Variants in SLC12A2 observed in about 807,000 individuals in gnomAD.
SLC12A2 encodes the protein solute carrier family 12 member 2.
Under a neutral mutation model 136.3 loss-of-function variants are expected in SLC12A2, and 67 were observed. The ratio of observed to expected loss-of-function variants is 0.49; its 90% confidence interval spans 0.40 to 0.60. The LOEUF is 0.60. SLC12A2 is among the 20% of genes least tolerant of loss of function. SLC12A2 has a pLI of 0.00. For missense variants in SLC12A2, 1,322 were observed against 1,534.7 expected, an observed-to-expected ratio of 0.86 and a Z score of 2.32; for synonymous variants, 619 against 562.9, an observed-to-expected ratio of 1.10 and a Z score of -1.41.
At position 128,186,679 on chromosome 5, in the gene SLC12A2, G is replaced by A. The variant is rs781122726; in HGVS notation, c.*48G>A. ...CTCCAGAATGGTACTTCAGTGCCTA[G>A]TGTAGTAACTGAAATCTTCAATGAC... On this transcript the variant is annotated 3_prime_UTR_variant, in exon 27 of 27. Coordinates refer to ENST00000262461, the MANE Select transcript of SLC12A2 (RefSeq NM_001046.3). The A allele has an allele frequency of 1.9e-6, 3 of 1,559,580 alleles. No individual in the cohort carries two copies. Among genetic ancestry groups the A allele is most frequent in the Non-Finnish European group, 2.6e-6 (3 of 1,138,554 alleles).
Position 128,084,037 on chromosome 5 carries a change from C to T in SLC12A2, c.83C>T (p.Ala28Val), listed in dbSNP as rs1759932009. 1 of 1,269,712 alleles carries T rather than the reference C, an allele frequency of 7.9e-7. No individual in the cohort carries two copies. The highest frequency in any genetic ancestry group is 2.7e-5 in the South Asian group (1 of 36,854). The allele number at this position is 1,269,712 out of a possible 1,614,324, so 78.7% of individuals were successfully genotyped here. ...VGETPSAAAL[A>V]AARVELPGTA... ...GAGACGCCGTCAGCCGCTGCGCTGG[C>T]CGCAGCCAGGGTGGAACTGCCCGGC... The change falls in exon 1 of 27, where the codon GCC (alanine) becomes GTC (valine). Residue 28 changes from alanine to valine, a missense_variant. Ala to Val is a moderately conservative substitution (Grantham distance 64). Coordinates refer to ENST00000262461, the MANE Select transcript of SLC12A2 (RefSeq NM_001046.3). The surrounding 1 kb of genome is among the most constrained non-coding windows in gnomAD (Gnocchi z 5.6).
chr5:128,123,078 A>G (rs790153), intron 4 of SLC12A2, among the ~76,000 whole-genome samples: 71,285 of 151,878 alleles, frequency 0.47, 18,130 homozygotes, highest in Middle Eastern at 0.57. Context: ...GTGACCTTTC[A>G]GTTTTGCCAG....
At chr5:128,130,224 CA>C (rs1410315549) in intron 4 of SLC12A2, among the ~76,000 whole-genome samples, 1 of 151,926 alleles carries the variant, frequency 6.6e-6, no homozygotes, top group Non-Finnish European at 1.5e-5. Flanking sequence ...CCAGCCTGGC[CA>C]ACATGGTGAA....
intron 1 of SLC12A2, among the ~76,000 whole-genome samples, chr5:128,097,841 CCCTT>C (rs1187330080): frequency 2.6e-5 from 4 of 151,936 alleles, no homozygotes; most frequent in African/African-American, 7.2e-5. Flanking sequence ...CAGATTGCTT[CCCTT>C]CCTTGGGCAC....
At chr5:128,105,502 A>G (rs1467780679) in intron 1 of SLC12A2, among the ~76,000 whole-genome samples, 3 of 152,128 alleles carry the variant, frequency 2.0e-5, no homozygotes, top group Non-Finnish European at 4.4e-5. Flanking sequence ...AGCAGCCAAG[A>G]AGTCATTGGA....
intron 4 of SLC12A2, among the ~76,000 whole-genome samples, chr5:128,116,108 GA>G (rs1253071581): frequency 6.6e-6 from 1 of 152,144 alleles, no homozygotes; most frequent in Non-Finnish European, 1.5e-5. Context: ...CACAACTGGG[GA>G]ATGAAAGTGG....
At chr5:128,147,555 T>A (rs1365083380) in intron 10 of SLC12A2, 67 bp from the exon 11 acceptor site, 19 of 994,844 alleles carry the variant, frequency 1.9e-5, no homozygotes, top group Non-Finnish European at 3.0e-5. Flanking sequence ...TGTGACCACA[T>A]AATATTGTGT....
At chr5:128,096,056 A>G (rs1252313569) in intron 1 of SLC12A2, among the ~76,000 whole-genome samples, 3 of 152,146 alleles carry the variant, frequency 2.0e-5, no homozygotes, top group African/African-American at 4.8e-5. Flanking sequence ...AGGTTTCAGT[A>G]GTTTTCTGTA....
At chr5:128,085,936 A>G (rs551045338) in intron 1 of SLC12A2, among the ~76,000 whole-genome samples, 9 of 152,206 alleles carry the variant, frequency 5.9e-5, no homozygotes, top group Admixed American at 1.3e-4. Context: ...TTTTGTCATA[A>G]TCAGAAGCAA....
chr5:128,145,808 T>C (rs574683913), intron 10 of SLC12A2, among the ~76,000 whole-genome samples: 1 of 152,140 alleles, frequency 6.6e-6, no homozygotes, highest in East Asian at 1.9e-4. Context: ...GTAAAGTGTG[T>C]GATAGAAACA....
chr5:128,149,100 C>G (rs1349938633), intron 12 of SLC12A2, among the ~76,000 whole-genome samples: 1 of 151,670 alleles, frequency 6.6e-6, no homozygotes, highest in Non-Finnish European at 1.5e-5. Flanking sequence ...GGCTCTTTTT[C>G]CTAAAACAAA....
intron 15 of SLC12A2, among the ~76,000 whole-genome samples, chr5:128,154,293 G>C (rs986876100): frequency 6.6e-6 from 1 of 151,844 alleles, no homozygotes; most frequent in African/African-American, 2.4e-5. Flanking sequence ...AAGTATGATG[G>C]TGCATACCTG....
intron 13 of SLC12A2, 133 bp from the exon 14 acceptor site, chr5:128,151,108 T>A (rs944786743): frequency 2.7e-5 from 18 of 674,874 alleles, no homozygotes; most frequent in Non-Finnish European, 4.3e-5. Context: ...CTATTCAATA[T>A]TAGACTTATA....
intron 11 of SLC12A2, among the ~76,000 whole-genome samples, chr5:128,148,045 C>T (rs1293029629): frequency 6.6e-6 from 1 of 151,438 alleles, no homozygotes; most frequent in Non-Finnish European, 1.5e-5. Flanking sequence ...CAGTCTAAGA[C>T]TGAAAATAGG....
In SLC12A2 at chr5:128,158,089, AC is replaced by A; in HGVS notation, c.2401del (p.Arg801ValfsTer17). 6.2e-7 allele frequency: 1 copy of A among 1,613,730 alleles called. No homozygotes were observed. Among genetic ancestry groups the A allele is most frequent in the East Asian group, 2.2e-5 (1 of 44,862 alleles). On this transcript the variant is annotated frameshift_variant, in exon 16 of 27. Transcript: ENST00000262461. LOFTEE classifies it high-confidence loss of function. ...CLVMTGAPNS[R>X]PALLHLVHDF... is the part of the protein sequence containing the mutation. ...TTGTTATGACAGGTGCTCCAAACTCACGTCCAGCTTTACTTCATCTTGTTCA... is the reference window on the plus strand; with the variant it reads ...TTGTTATGACAGGTGCTCCAAACTCAGTCCAGCTTTACTTCATCTTGTTCA...
At chr5:128,096,143 G>A (rs1760529618) in intron 1 of SLC12A2, among the ~76,000 whole-genome samples, 1 of 152,058 alleles carries the variant, frequency 6.6e-6, no homozygotes, top group Admixed American at 6.6e-5. Context: ...CTTGTAAGTG[G>A]TAAACACTGG....
At chr5:128,114,340 T>A (rs546879626) in intron 3 of SLC12A2, 53 bp downstream of exon 3, 1 of 1,374,992 alleles carries the variant, frequency 7.3e-7, no homozygotes, top group African/African-American at 1.4e-5. Context: ...TAACTGTGTC[T>A]GAGCTCTTAA....
rs549494172 is a variant in SLC12A2, at chr5:128,098,239, C to T, written c.756+13529C>T. Among the ~76,000 whole-genome samples the T allele has an allele frequency of 2.0e-5, 3 of 152,106 alleles. No individual in the cohort carries two copies. The South Asian group carries it at 6.2e-4, about 32-fold the overall frequency. On this transcript the variant is annotated intron_variant, in intron 1 of 26. Transcript: ENST00000262461. ...CATTTCCATTCTGCTATTAAGTCCA[C>T]CTAGGGAATTTTTCATTTCAAAATT...
At chr5:128,097,051 A>G (rs535290689) in intron 1 of SLC12A2, among the ~76,000 whole-genome samples, 1 of 152,244 alleles carries the variant, frequency 6.6e-6, no homozygotes, top group South Asian at 2.1e-4. Context: ...AGTGAACTAT[A>G]CAATTTTGGA....
Sources: gnomAD v4.1 joint callset for allele counts (sites outside exome capture counted in the v4.1 genomes callset) on GRCh38, gnomAD v4.1.1 for gene constraint, Gnocchi (gnomAD v3.1) non-coding constraint, MANE v1.5 for transcripts, NCBI Gene and HGNC (gene_info 2026-07-23, HGNC 2026-07-21) for gene names.